Variants in BPHL observed in about 807,000 individuals in gnomAD.
BPHL encodes the protein serine hydrolase BPHL.
In BPHL, 27 loss-of-function variants were observed where a neutral mutation model predicts 31.2. The observed-to-expected ratio is 0.87, with a 90% CI of 0.64 to 1.19. BPHL has a LOEUF of 1.19. Ranked by LOEUF, BPHL falls within the 50% of genes most tolerant of loss-of-function variation. BPHL has a pLI of 0.00. For missense variants in BPHL, 356 were observed against 375.7 expected (o/e 0.95, Z 0.43); for synonymous variants, 150 against 146.8 (o/e 1.02, Z -0.16).
chr6:3,135,039 C>T (rs995588812), intron 4 of BPHL, among the ~76,000 whole-genome samples: 1 of 152,186 alleles, frequency 6.6e-6, no homozygotes, highest in African/African-American at 2.4e-5. Flanking sequence ...GCCGCCCGGC[C>T]TCACAATGTT....
At chr6:3,120,277 C>T (rs1050036318) in intron 1 of BPHL, among the ~76,000 whole-genome samples, 3 of 152,070 alleles carry the variant, frequency 2.0e-5, no homozygotes, top group Admixed American at 2.0e-4. Flanking sequence ...TCAAATGATC[C>T]ACCTGCCTCA....
intron 6 of BPHL, among the ~76,000 whole-genome samples, chr6:3,147,839 G>A (rs1440826848): frequency 6.6e-6 from 1 of 152,148 alleles, no homozygotes; most frequent in Admixed American, 6.5e-5. Flanking sequence ...TAGTGTGAAA[G>A]CCAGGAGGCT....
intron 6 of BPHL, among the ~76,000 whole-genome samples, chr6:3,146,571 C>T (rs1348083294): frequency 1.7e-5 from 1 of 59,332 alleles, no homozygotes; most frequent in Non-Finnish European, 3.1e-5. Flanking sequence ...AGTGCTGGTT[C>T]GGGGTGGAGT....
chr6:3,118,499 G>A (rs1298509230), upstream of BPHL: 2 of 358,496 alleles, frequency 5.6e-6, no homozygotes, highest in Non-Finnish European at 1.0e-5. Context: ...AGCCAGCACC[G>A]AGAGGGGACG....
intron 2 of BPHL, chr6:3,126,921 AT>A (rs34930913): frequency 0.45 from 44,785 of 100,318 alleles, 7,745 homozygotes; most frequent in Non-Finnish European, 0.51. Flanking sequence ...GCCCGGCTAC[AT>A]TTTTTTTTTT....
chr6:3,123,268 AG>A (rs755430480), intron 1 of BPHL, among the ~76,000 whole-genome samples: 38 of 152,250 alleles, frequency 2.5e-4, no homozygotes, highest in Non-Finnish European at 4.0e-4. Flanking sequence ...TCATATACAA[AG>A]ACAGTTTTAT....
chr6:3,129,327 A>G, intron 4 of BPHL, 129 bp downstream of exon 4: 2 of 1,229,962 alleles, frequency 1.6e-6, no homozygotes, highest in Non-Finnish European at 2.2e-6. Context: ...TCAGGTAGGA[A>G]GAATAACGAG....
chr6:3,124,701 A>G (rs1761669421), intron 2 of BPHL, among the ~76,000 whole-genome samples: 1 of 152,158 alleles, frequency 6.6e-6, no homozygotes, highest in Non-Finnish European at 1.5e-5. Context: ...TACAGACCCA[A>G]CCACCCATTT....
At chr6:3,132,105 C>A (rs904950157) in intron 4 of BPHL, among the ~76,000 whole-genome samples, 21 of 152,284 alleles carry the variant, frequency 1.4e-4, no homozygotes, top group African/African-American at 4.6e-4. Context: ...CGTCTCGCTA[C>A]TTCCCCTCCT....
At chr6:3,119,430 C>G in intron 1 of BPHL, 2 of 1,611,480 alleles carry the variant, frequency 1.2e-6, no homozygotes, top group Non-Finnish European at 1.7e-6. Context: ...GCCTCACTCC[C>G]AGAGGATCTG....
chr6:3,135,495 C>T (rs1761993481), intron 4 of BPHL, among the ~76,000 whole-genome samples: 1 of 152,192 alleles, frequency 6.6e-6, no homozygotes, highest in Non-Finnish European at 1.5e-5. Context: ...TTTCATTTTA[C>T]TTGTCCTGTT....
chr6:3,146,274 GGAGTGCTGGTTCGGGTC>G (rs1762354948), intron 6 of BPHL, among the ~76,000 whole-genome samples: 1 of 25,746 alleles, frequency 3.9e-5, no homozygotes, highest in Non-Finnish European at 1.1e-4. Context: ...GGTTCGGGTC[GGAGTGCTGGTTCGGGTC>G]GAGTGCTGGT....
intron 1 of BPHL, 87 bp downstream of exon 1, chr6:3,118,934 C>A: frequency 9.1e-7 from 1 of 1,103,946 alleles, no homozygotes; most frequent in Non-Finnish European, 1.1e-6. Context: ...AGCAGGAGTT[C>A]CCGGCGCGCG....
chr6:3,151,542 T>C (rs1011801066), intron 6 of BPHL, among the ~76,000 whole-genome samples: 3 of 152,154 alleles, frequency 2.0e-5, no homozygotes, highest in Non-Finnish European at 4.4e-5. Flanking sequence ...CCCTCGCACC[T>C]ACTGAGGTTC....
intron 2 of BPHL, among the ~76,000 whole-genome samples, chr6:3,125,306 A>G (rs1294905286): frequency 6.6e-6 from 1 of 152,086 alleles, no homozygotes; most frequent in African/African-American, 2.4e-5. Flanking sequence ...CGGCCTCCCA[A>G]AATGCTGGGA....
At chr6:3,118,689 C>T (rs960178541), upstream of BPHL, 19 of 1,209,778 alleles carry the variant, frequency 1.6e-5, no homozygotes, top group Admixed American at 4.2e-5. Flanking sequence ...GGCCGGGTAC[C>T]GCGCTTGGTC....
chr6:3,128,162 A>T (rs1761769767), intron 3 of BPHL, among the ~76,000 whole-genome samples: 1 of 152,186 alleles, frequency 6.6e-6, no homozygotes, highest in Non-Finnish European at 1.5e-5. Context: ...CTTAATTTTT[A>T]AGTTGCCTTT....
At chr6:3,141,198 A>G (rs1218978342) in intron 6 of BPHL, among the ~76,000 whole-genome samples, 1 of 152,262 alleles carries the variant, frequency 6.6e-6, no homozygotes, top group Non-Finnish European at 1.5e-5. Flanking sequence ...TTAAGTTAAC[A>G]GGCATCTCTT....
intron 2 of BPHL, 27 bp from the exon 3 acceptor site, chr6:3,127,215 T>A (rs1158022620): frequency 1.3e-6 from 2 of 1,490,532 alleles, no homozygotes; most frequent in Admixed American, 4.1e-5. Context: ...AGCGATCACC[T>A]GAGGGTAACC....
Sources: allele counts gnomAD v4.1 joint callset (sites outside exome capture counted in the v4.1 genomes callset), GRCh38; gene constraint gnomAD v4.1.1; transcripts MANE v1.5; gene names NCBI Gene and HGNC (gene_info 2026-07-23, HGNC 2026-07-21).